Variants in HMGCLL1 observed in about 807,000 individuals in gnomAD.
HMGCLL1 encodes the protein 3-hydroxy-3-methylglutaryl-CoA lyase like 1.
A neutral mutation model predicts 39.1 loss-of-function variants in HMGCLL1; 36 were observed. That is an observed-to-expected ratio of 0.92 (90% CI 0.71 to 1.22). The LOEUF (loss-of-function observed/expected upper bound fraction) is 1.22, where lower values mean the gene tolerates loss of function less well. HMGCLL1 is among the 50% of genes most tolerant of loss of function. The pLI is 0.00. For missense variants in HMGCLL1, 451 were observed against 416.5 expected (o/e 1.08, Z -0.72); for synonymous variants, 149 against 144.0 (o/e 1.03, Z -0.25).
intron 6 of HMGCLL1, among the ~76,000 whole-genome samples, chr6:55,495,825 T>C (rs1395598408): frequency 6.6e-6 from 1 of 152,170 alleles, no homozygotes. Context: ...TTTCTAATAT[T>C]CAAGTTTGCC....
At chr6:55,618,463 T>G in the HMGCLL1 span, among the ~76,000 whole-genome samples, 1 of 151,960 alleles carries the variant, frequency 6.6e-6, no homozygotes, top group Non-Finnish European at 1.5e-5. Flanking sequence ...TATTTGGATA[T>G]GAATAATAAA....
chr6:55,659,774 T>C, the HMGCLL1 span, among the ~76,000 whole-genome samples: 10 of 152,048 alleles, frequency 6.6e-5, no homozygotes, highest in African/African-American at 2.4e-4. Flanking sequence ...TATTCCTTCC[T>C]GAATACAACT....
the HMGCLL1 span, among the ~76,000 whole-genome samples, chr6:55,610,774 G>A: frequency 0.029 from 4,442 of 152,124 alleles, 230 homozygotes; most frequent in African/African-American, 0.1. Flanking sequence ...CATTTTAAGG[G>A]CAGCCAAAGA....
chr6:55,549,373 A>AGTGTGTGT (rs70986732), intron 1 of HMGCLL1, among the ~76,000 whole-genome samples: 10,608 of 145,462 alleles, frequency 0.073, 458 homozygotes, highest in East Asian at 0.17. Flanking sequence ...CAAATACAGA[A>AGTGTGTGT]GTGTGTGTGT....
At chr6:55,593,503 G>A in the HMGCLL1 span, among the ~76,000 whole-genome samples, 7 of 152,050 alleles carry the variant, frequency 4.6e-5, no homozygotes, top group East Asian at 1.4e-3. Flanking sequence ...TCATGCCATG[G>A]GATAACAAAA....
the HMGCLL1 span, among the ~76,000 whole-genome samples, chr6:55,652,725 T>A: frequency 2.4e-3 from 372 of 152,200 alleles, 3 homozygotes; most frequent in African/African-American, 7.8e-3. Context: ...ACAAGTCACA[T>A]GCAAATCAAT....
intron 7 of HMGCLL1, among the ~76,000 whole-genome samples, chr6:55,473,806 C>A (rs767830973): frequency 4.6e-5 from 7 of 151,256 alleles, no homozygotes; most frequent in Non-Finnish European, 1.0e-4. Flanking sequence ...TGATGGAATC[C>A]TTCAGTTCTT....
At chr6:55,612,905 T>TA in the HMGCLL1 span, among the ~76,000 whole-genome samples, 2 of 152,176 alleles carry the variant, frequency 1.3e-5, no homozygotes, top group African/African-American at 4.8e-5. Flanking sequence ...GATTTTATGA[T>TA]AAAATCACAA....
At chr6:55,629,392 A>C in the HMGCLL1 span, among the ~76,000 whole-genome samples, 2 of 152,152 alleles carry the variant, frequency 1.3e-5, no homozygotes, top group African/African-American at 4.8e-5. Context: ...CATTCAAGAG[A>C]TGACCTGGGT....
chr6:55,511,540 G>GTT lies in HMGCLL1; in HGVS notation c.542+2507_542+2508insAA, dbSNP rs1364224531. Among the ~76,000 whole-genome samples, 26 of 1,898 alleles carry GTT rather than the reference G, an allele frequency of 0.014. No homozygotes were observed. In the South Asian group the frequency reaches 0.48, roughly 35 times the overall value. The allele number at this position is 1,898 out of a possible 152,430, so 1.2% of individuals were successfully genotyped here. The stretch of plus-strand genomic sequence containing the variant: ...AGTGTGCTTTTATAAAATGTGTACT[G>GTT]CTATGGCCTTTAAAGCTGACAACTG... On this transcript the variant is annotated intron_variant, in intron 5 of 8. Transcript: ENST00000274901.
At chr6:55,489,856 G>A (rs556192562) in intron 7 of HMGCLL1, among the ~76,000 whole-genome samples, 36 of 152,178 alleles carry the variant, frequency 2.4e-4, no homozygotes, top group African/African-American at 8.2e-4. Context: ...AAGGGTATGA[G>A]CATATACTTT....
chr6:55,669,126 AAAAAG>A, the HMGCLL1 span, among the ~76,000 whole-genome samples: 4 of 151,850 alleles, frequency 2.6e-5, no homozygotes, highest in African/African-American at 7.2e-5. Context: ...AAAAAAAAAA[AAAAAG>A]AAATGTTTTA....
At chr6:55,616,767 A>G in the HMGCLL1 span, among the ~76,000 whole-genome samples, 1 of 152,140 alleles carries the variant, frequency 6.6e-6, no homozygotes, top group Non-Finnish European at 1.5e-5. Context: ...AATTAAACAA[A>G]CTAGAAGTAA....
the HMGCLL1 span, among the ~76,000 whole-genome samples, chr6:55,628,487 A>T: frequency 6.6e-6 from 1 of 151,298 alleles, no homozygotes; most frequent in Non-Finnish European, 1.5e-5. Context: ...ATTTTTTAGT[A>T]GAGATGGGGT....
intron 7 of HMGCLL1, among the ~76,000 whole-genome samples, chr6:55,490,848 G>A (rs1444793359): frequency 2.6e-5 from 4 of 151,982 alleles, no homozygotes; most frequent in Non-Finnish European, 4.4e-5. Flanking sequence ...ATATAAAGAT[G>A]TTGGAGATGA....
At chr6:55,506,708 T>C (rs543912782) in intron 5 of HMGCLL1, among the ~76,000 whole-genome samples, 34 of 151,778 alleles carry the variant, frequency 2.2e-4, no homozygotes, top group African/African-American at 8.2e-4. Context: ...AGTGCTTGTG[T>C]TTAAGTAACA....
At chr6:55,471,330 T>G (rs1223201688) in intron 7 of HMGCLL1, among the ~76,000 whole-genome samples, 1 of 151,624 alleles carries the variant, frequency 6.6e-6, no homozygotes, top group African/African-American at 2.4e-5. Context: ...TCCTTAGAGG[T>G]GAAAAATTGT....
chr6:55,514,358 C>T (rs561237825), intron 4 of HMGCLL1, among the ~76,000 whole-genome samples, 162 bp from the exon 5 acceptor site: 209 of 152,130 alleles, frequency 1.4e-3, no homozygotes, highest in Middle Eastern at 3.4e-3. Flanking sequence ...TATATTCTTT[C>T]GAAATGTAAA....
At chr6:55,542,035 T>A in intron 2 of HMGCLL1, 25 bp downstream of exon 2, 1 of 1,386,306 alleles carries the variant, frequency 7.2e-7, no homozygotes, top group Non-Finnish European at 1.0e-6. Context: ...GTAGACAGCA[T>A]TTGAAGTAAA....
Sources: gnomAD v4.1 joint callset for allele counts (sites outside exome capture counted in the v4.1 genomes callset) on GRCh38, gnomAD v4.1.1 for gene constraint, MANE v1.5 for transcripts, NCBI Gene and HGNC (gene_info 2026-07-23, HGNC 2026-07-21) for gene names.